TBC1D22B: variants seen among roughly 807,000 people sequenced by gnomAD.
TBC1D22B encodes the protein TBC1 domain family member 22B, also known as chromosome 6 open reading frame 197.
A neutral mutation model predicts 69.1 loss-of-function variants in TBC1D22B; 32 were observed. The observed-to-expected ratio is 0.46, with a 90% CI of 0.35 to 0.62. The LOEUF is 0.62. TBC1D22B is among the 20% of genes least tolerant of loss of function. The pLI, the probability that TBC1D22B is intolerant of heterozygous loss-of-function variation, is 0.00. For synonymous variants in TBC1D22B, 206 were observed against 229.8 expected (o/e 0.90, Z 0.94); for missense variants, 462 against 630.9 (o/e 0.73, Z 2.87).
intron 9 of TBC1D22B, 42 bp from the exon 10 acceptor site, chr6:37,313,764 TGATAACACAA>T: frequency 6.5e-7 from 1 of 1,542,046 alleles, no homozygotes; most frequent in East Asian, 2.2e-5. Context: ...GAATGTCAGG[TGATAACACAA>T]GTTAGAGTCC....
intron 2 of TBC1D22B, among the ~76,000 whole-genome samples, chr6:37,275,313 C>T (rs995214520): frequency 1.3e-5 from 2 of 152,088 alleles, no homozygotes; most frequent in Non-Finnish European, 2.9e-5. Context: ...TGTGTCAGAC[C>T]TAAGTCTTTT....
chr6:37,293,286 C>T (rs559196103), intron 8 of TBC1D22B, among the ~76,000 whole-genome samples: 41 of 152,030 alleles, frequency 2.7e-4, no homozygotes, highest in African/African-American at 9.6e-4. Context: ...ACCATGTTAG[C>T]CAGGATGGTC....
chr6:37,278,125 C>T (rs1721267646), intron 2 of TBC1D22B, among the ~76,000 whole-genome samples: 3 of 152,116 alleles, frequency 2.0e-5, no homozygotes, highest in South Asian at 4.1e-4. Flanking sequence ...GAGCAAGGCC[C>T]TGACTCTTAA....
intron 12 of TBC1D22B, among the ~76,000 whole-genome samples, chr6:37,326,722 A>G (rs1421414941): frequency 6.6e-6 from 1 of 151,940 alleles, no homozygotes; most frequent in Non-Finnish European, 1.5e-5. Flanking sequence ...TGGGAGGTGG[A>G]GGTGGTGGTG....
At chr6:37,282,103 A>G in intron 3 of TBC1D22B, 82 bp from the exon 4 acceptor site, 1 of 1,501,064 alleles carries the variant, frequency 6.7e-7, no homozygotes, top group Non-Finnish European at 9.3e-7. Flanking sequence ...AGGAAACACA[A>G]TGCTGAACGG....
At chr6:37,268,144 A>G (rs558705054) in intron 1 of TBC1D22B, among the ~76,000 whole-genome samples, 3 of 152,208 alleles carry the variant, frequency 2.0e-5, no homozygotes, top group Non-Finnish European at 4.4e-5. Flanking sequence ...GAGTTCTTAC[A>G]TGTTGAAAAG....
intron 7 of TBC1D22B, among the ~76,000 whole-genome samples, chr6:37,290,544 T>G (rs577035840): frequency 1.4e-4 from 21 of 152,204 alleles, no homozygotes; most frequent in Admixed American, 1.2e-3. Flanking sequence ...TCTGGCTTCT[T>G]ATGGCTAATA....
At chr6:37,319,668 A>T (rs1768183594) in intron 12 of TBC1D22B, among the ~76,000 whole-genome samples, 1 of 152,242 alleles carries the variant, frequency 6.6e-6, no homozygotes, top group Non-Finnish European at 1.5e-5. Flanking sequence ...AGAGTCTCAC[A>T]TCTTTCTTTT....
chr6:37,303,924 C>A (rs146229455), intron 8 of TBC1D22B, among the ~76,000 whole-genome samples: 13 of 152,344 alleles, frequency 8.5e-5, no homozygotes, highest in Admixed American at 2.0e-4. Flanking sequence ...TCTCTGCCAC[C>A]AGACTTTCTG....
At chr6:37,259,105 G>C (rs1765972846) in intron 1 of TBC1D22B, among the ~76,000 whole-genome samples, 1 of 150,514 alleles carries the variant, frequency 6.6e-6, no homozygotes, top group Admixed American at 6.6e-5. Context: ...TGATCCTCTT[G>C]CCTTGGCCTC....
chr6:37,309,414 A>C (rs1371934241), intron 8 of TBC1D22B, among the ~76,000 whole-genome samples: 1 of 152,178 alleles, frequency 6.6e-6, no homozygotes, highest in East Asian at 1.9e-4. Flanking sequence ...TTTGCATTGC[A>C]ATGTTCTGGA....
intron 2 of TBC1D22B, among the ~76,000 whole-genome samples, chr6:37,277,167 G>C (rs1766694545): frequency 6.6e-6 from 1 of 151,482 alleles, no homozygotes; most frequent in African/African-American, 2.4e-5. Flanking sequence ...TCAACTTCTT[G>C]ATTTGATGAT....
intron 7 of TBC1D22B, among the ~76,000 whole-genome samples, chr6:37,290,165 T>A (rs1289325050): frequency 1.3e-5 from 2 of 152,186 alleles, no homozygotes; most frequent in Non-Finnish European, 2.9e-5. Flanking sequence ...GGGAGGTTTT[T>A]CTGCCTTCCA....
rs1330216030 is a variant in TBC1D22B at position 37,332,275 on chromosome 6, AACC to A, written c.*1104_*1106del. ...CGCCCCTTTCTTCACCCCGCCCCCCAACCCCCAGACTTTCCTGGAGCATCTGCC... is the reference window on the plus strand; with the variant it reads ...CGCCCCTTTCTTCACCCCGCCCCCCACCCAGACTTTCCTGGAGCATCTGCC... On this transcript the variant is annotated 3_prime_UTR_variant, in exon 13 of 13. Coordinates refer to ENST00000373491, the MANE Select transcript of TBC1D22B (RefSeq NM_017772.4). The A allele has an allele frequency of 7.3e-6, 1 of 136,056 alleles. No homozygotes were observed. The highest frequency in any genetic ancestry group is 7.5e-5 in the Admixed American group (1 of 13,400). 8.4% of individuals were successfully genotyped at this position (136,056 alleles called of 1,614,324 possible). A position where few individuals can be genotyped will look rare whatever the true frequency, so the allele number is the denominator to read the frequency against.
intron 12 of TBC1D22B, among the ~76,000 whole-genome samples, chr6:37,322,436 G>A (rs1344529984): frequency 6.6e-6 from 1 of 152,194 alleles, no homozygotes; most frequent in Non-Finnish European, 1.5e-5. Context: ...AGAATCGCTT[G>A]AACCTGGGAG....
chr6:37,314,556 G>A (rs1456884808), intron 10 of TBC1D22B, among the ~76,000 whole-genome samples: 1 of 152,166 alleles, frequency 6.6e-6, no homozygotes, highest in Non-Finnish European at 1.5e-5. Context: ...GTCATAGAAT[G>A]TTAGAACGAA....
chr6:37,273,543 CT>C (rs1263272504), intron 2 of TBC1D22B, among the ~76,000 whole-genome samples: 9 of 152,198 alleles, frequency 5.9e-5, no homozygotes, highest in Admixed American at 5.2e-4. Flanking sequence ...CCAAGGCAAA[CT>C]TTATATACTA....
rs1264715776 is a variant in TBC1D22B at position 37,331,137 on chromosome 6, A to G, written c.1483A>G (p.Met495Val). 6.2e-7 allele frequency: 1 copy of G among 1,614,024 alleles called. No homozygotes were observed. The highest frequency in any genetic ancestry group is 8.5e-7 in the Non-Finnish European group (1 of 1,180,022). The part of the protein sequence containing the change: ...LLAEAYRLKY[M>V]FADAPNHYRR ...CGCCGAGGCATACAGACTCAAGTAC[A>G]TGTTTGCCGATGCCCCAAATCACTA... Residue 495 changes from methionine to valine, a missense_variant, in exon 13 of 13, where the codon ATG (methionine) becomes GTG (valine). Coordinates refer to ENST00000373491, the MANE Select transcript of TBC1D22B (RefSeq NM_017772.4).
At chr6:37,286,925 C>T in intron 6 of TBC1D22B, 82 bp from the exon 7 acceptor site, 2 of 1,277,402 alleles carry the variant, frequency 1.6e-6, no homozygotes, top group South Asian at 1.3e-5. Context: ...GCCTGGGGGA[C>T]AAGAGCGAGA....
Sources: allele counts gnomAD v4.1 joint callset (sites outside exome capture counted in the v4.1 genomes callset), GRCh38; gene constraint gnomAD v4.1.1; transcripts MANE v1.5; gene names NCBI Gene and HGNC (gene_info 2026-07-23, HGNC 2026-07-21).